The following VRK2 variants were observed in gnomAD, a reference collection of about 807,000 sequenced individuals.
VRK2 encodes the protein serine/threonine-protein kinase VRK2.
Under a neutral mutation model 57.6 loss-of-function variants are expected in VRK2, and 60 were observed. The ratio of observed to expected loss-of-function variants is 1.04; its 90% CI spans 0.85 to 1.29. The LOEUF (loss-of-function observed/expected upper bound fraction) is 1.29. Among genes scored for constraint, VRK2 ranks in the 50% most tolerant of loss-of-function variants. The probability of loss-of-function intolerance (pLI) is 0.00; values close to 1 mark genes in which losing one functional copy is unlikely to be tolerated. For synonymous variants in VRK2, 231 were observed against 199.2 expected (o/e 1.16, Z -1.35); for missense variants, 705 against 588.1 (o/e 1.20, Z -2.06).
At chr2:57,998,068 C>A (rs1284434000) in intron 1 of VRK2, among the ~76,000 whole-genome samples, 1 of 152,014 alleles carries the variant, frequency 6.6e-6, no homozygotes, top group Non-Finnish European at 1.5e-5. Context: ...CTACATATCA[C>A]CTCTGTTTTT....
intron 7 of VRK2, among the ~76,000 whole-genome samples, chr2:58,120,532 T>G (rs1402116151): frequency 1.3e-5 from 2 of 152,046 alleles, no homozygotes; most frequent in Non-Finnish European, 2.9e-5. Context: ...TATACTGCCC[T>G]TCAAGGTTTG....
chr2:58,140,588 T>C (rs1481433432), intron 11 of VRK2, among the ~76,000 whole-genome samples: 1 of 151,994 alleles, frequency 6.6e-6, no homozygotes, highest in South Asian at 2.1e-4. Context: ...ATATTTCTTA[T>C]GAACTTTGGA....
intron 8 of VRK2, 148 bp from the exon 9 acceptor site, chr2:58,131,659 GC>G: frequency 4.1e-6 from 4 of 974,648 alleles, no homozygotes; most frequent in Non-Finnish European, 5.8e-6. Flanking sequence ...AAATGCTTGG[GC>G]GTTTAAGTTT....
rs145196493 is a variant in VRK2 at position 58,103,969 on chromosome 2, A to G, written c.543+14246A>G. Among the ~76,000 whole-genome samples, 6 of 151,926 alleles carry G rather than the reference A, an allele frequency of 3.9e-5. No homozygotes were observed. In the East Asian group the frequency reaches 1.2e-3, roughly 29 times the overall value. ...ATTCATCACATAAGCAGAATTAAAA[A>G]CAAAAACCATATGATTATACATGCA... On this transcript the variant is annotated intron_variant, in intron 7 of 12. Transcript: ENST00000340157.
chr2:57,987,442 A>C (rs1353096505), intron 1 of VRK2, among the ~76,000 whole-genome samples: 2 of 152,182 alleles, frequency 1.3e-5, no homozygotes, highest in African/African-American at 4.8e-5. Context: ...GGTAAATTAA[A>C]ATTATGAGAT....
At chr2:58,144,828 T>C (rs1681873678) in intron 11 of VRK2, among the ~76,000 whole-genome samples, 1 of 151,958 alleles carries the variant, frequency 6.6e-6, no homozygotes, top group Non-Finnish European at 1.5e-5. Flanking sequence ...GGTTTTGAGC[T>C]GGGATCCTGG....
At chr2:58,144,861 T>C (rs150535561) in intron 11 of VRK2, among the ~76,000 whole-genome samples, 103 of 152,104 alleles carry the variant, frequency 6.8e-4, no homozygotes, top group African/African-American at 2.4e-3. Flanking sequence ...TAGAGTGGTG[T>C]TGTGACAATT....
chr2:58,137,149 CAT>C (rs1453501239), intron 10 of VRK2, among the ~76,000 whole-genome samples: 3 of 47,592 alleles, frequency 6.3e-5, no homozygotes, highest in South Asian at 1.3e-3. Context: ...TCATATATAT[CAT>C]GTGTTTATAT....
At chr2:57,959,821 A>G (rs1169937177) in intron 1 of VRK2, among the ~76,000 whole-genome samples, 1 of 152,022 alleles carries the variant, frequency 6.6e-6, no homozygotes, top group Non-Finnish European at 1.5e-5. Context: ...ATGCTGTTTC[A>G]GTTAGGATGC....
At chr2:58,083,798 T>A (rs1453113412) in intron 2 of VRK2, among the ~76,000 whole-genome samples, 1 of 151,820 alleles carries the variant, frequency 6.6e-6, no homozygotes, top group Non-Finnish European at 1.5e-5. Flanking sequence ...GATTCTGTAT[T>A]TAAATATTTA....
At chr2:57,945,395 C>A (rs1272039391) in intron 1 of VRK2, among the ~76,000 whole-genome samples, 1 of 152,098 alleles carries the variant, frequency 6.6e-6, no homozygotes. Flanking sequence ...TCAACTGTCA[C>A]CATATCTACC....
chr2:58,087,343 G>A (rs920885868), intron 5 of VRK2, among the ~76,000 whole-genome samples: 12 of 152,120 alleles, frequency 7.9e-5, no homozygotes, highest in Admixed American at 7.9e-4. Context: ...GGACTGAATG[G>A]CTGATTGAAT....
intron 8 of VRK2, among the ~76,000 whole-genome samples, chr2:58,127,658 C>T (rs912673278): frequency 7.9e-5 from 12 of 152,186 alleles, no homozygotes. Flanking sequence ...TGCAGATAGT[C>T]ACCATTCACT....
At chr2:58,109,035 A>C (rs190529710) in intron 7 of VRK2, among the ~76,000 whole-genome samples, 22 of 152,192 alleles carry the variant, frequency 1.4e-4, no homozygotes, top group Non-Finnish European at 8.8e-5. Flanking sequence ...ATAAGTATGC[A>C]TTCATTTTTC....
In VRK2 at chr2:58,076,714, C is replaced by CA. The variant is rs530192843; in HGVS notation, c.137-7371dup. Among the ~76,000 whole-genome samples, 49 of 151,058 alleles carry CA rather than the reference C, an allele frequency of 3.2e-4. No homozygotes were observed. In the South Asian group the frequency reaches 9.6e-3, roughly 30 times the overall value. On this transcript the variant is annotated intron_variant, in intron 2 of 12. Transcript: ENST00000340157. ...GATAGTGTTTATCATTAGTTTTTTTCAAAATCTCATGCACATCTATGGTTT... is the reference window on the plus strand; with the variant it reads ...GATAGTGTTTATCATTAGTTTTTTTCAAAAATCTCATGCACATCTATGGTTT...
At chr2:58,048,218 A>C (rs1275705868) in intron 1 of VRK2, among the ~76,000 whole-genome samples, 1 of 152,242 alleles carries the variant, frequency 6.6e-6, no homozygotes, top group Admixed American at 6.5e-5. Context: ...ACTGAGAAAG[A>C]GGGTAAGAAG....
intron 1 of VRK2, among the ~76,000 whole-genome samples, chr2:57,908,055 A>T (rs1196457426): frequency 1.3e-5 from 2 of 152,184 alleles, no homozygotes; most frequent in East Asian, 3.8e-4. Flanking sequence ...GAAGGCCAAA[A>T]GGATTCACAA....
intron 1 of VRK2, 52 bp downstream of exon 1, chr2:58,046,920 G>C: frequency 1.0e-6 from 1 of 985,552 alleles, no homozygotes; most frequent in Non-Finnish European, 1.2e-6. Flanking sequence ...TCCGCTTGCA[G>C]TGCCGGAGCC....
rs539810144 is a variant in VRK2 at position 57,992,769 on chromosome 2, C to T, written c.-438-32896C>T. On this transcript the variant is annotated intron_variant, in intron 1 of 15. Coordinates refer to the VRK2 transcript ENST00000417641. ...GCCAGGATGGTCTCGATCTCCTGAC[C>T]TCATGATCCAGCCGCCTCGGCCTCC... is the stretch of plus-strand genomic sequence containing the variant. Among the ~76,000 whole-genome samples, 20 of 152,228 alleles carry T rather than the reference C, an allele frequency of 1.3e-4. No homozygotes were observed. The South Asian group carries it at 3.5e-3, about 27-fold the overall frequency.
Sources: allele counts gnomAD v4.1 joint callset (sites outside exome capture counted in the v4.1 genomes callset), GRCh38; gene constraint gnomAD v4.1.1; transcripts MANE v1.5; gene names NCBI Gene and HGNC (gene_info 2026-07-23, HGNC 2026-07-21).